ABCC11: variants seen among roughly 807,000 people sequenced by gnomAD.
ABCC11 encodes the protein ATP binding cassette subfamily C member 11.
A neutral mutation model predicts 149.3 loss-of-function variants in ABCC11; 135 were observed. That is an observed-to-expected ratio of 0.90 (90% CI 0.79 to 1.04). The LOEUF (loss-of-function observed/expected upper bound fraction) is 1.04, where lower values mean the gene tolerates loss of function less well. Among genes scored for constraint, ABCC11 ranks in the 50% least tolerant of loss-of-function variants. The pLI, the probability that ABCC11 is intolerant of heterozygous loss-of-function variation, is 0.00. For synonymous variants in ABCC11, 665 were observed against 671.4 expected (o/e 0.99, Z 0.15); for missense variants, 1,680 against 1,722.1 (o/e 0.98, Z 0.43).
chr16:48,213,118 T>C (rs931321977), intron 10 of ABCC11, among the ~76,000 whole-genome samples: 1 of 152,264 alleles, frequency 6.6e-6, no homozygotes, highest in Non-Finnish European at 1.5e-5. Flanking sequence ...AGTTTTTCAA[T>C]GCAAGCAACA....
chr16:48,224,315 G>A lies in ABCC11; in HGVS notation c.510C>T (p.Gly170=), dbSNP rs1178833671. ...RTRLIFDALL[G]ICFCIASVLG... ...GTACACTGGCAATGCAGAAGCAGAT[G>A]CCCAGAAGTGCATCGAAAATCAACC... The change falls in exon 5 of 30, where the codon GGC becomes GGT. Residue 170 remains glycine (G), a synonymous_variant. Transcript: ENST00000356608. 6.2e-7 allele frequency: 1 copy of A among 1,614,040 alleles called. No individual in the cohort carries two copies. The highest frequency in any genetic ancestry group is 1.7e-5 in the Admixed American group (1 of 59,998).
chr16:48,187,358 C>T lies in ABCC11; in HGVS notation c.2776G>A (p.Asp926Asn). 6.2e-7 allele frequency: 1 copy of T among 1,614,114 alleles called. No homozygotes were observed. Among genetic ancestry groups the T allele is most frequent in the African/African-American group, 1.3e-5 (1 of 75,044 alleles). Residue 926 changes from aspartate (D) to asparagine (N), a missense_variant, in exon 21 of 30, where the codon GAC becomes AAC. Physicochemically the swap from Asp to Asn is conservative, Grantham distance 23. Transcript: ENST00000356608. The stretch of plus-strand genomic sequence containing the variant: ...AAGAGCTGGTCCAGCTGTTCCAAGT[C>T]CCCTGCGAAGCAGTTCAAAAGCCGG... ...IGRLLNCFAG[D>N]LEQLDQLLPI...
intron 4 of ABCC11, among the ~76,000 whole-genome samples, chr16:48,225,919 A>G (rs1970040117): frequency 6.6e-6 from 1 of 152,240 alleles, no homozygotes; most frequent in South Asian, 2.1e-4. Flanking sequence ...GTGGACAGAC[A>G]TTGTAAGTAA....
intron 6 of ABCC11, 69 bp from the exon 7 acceptor site, chr16:48,216,356 C>T: frequency 6.7e-7 from 1 of 1,485,236 alleles, no homozygotes. Flanking sequence ...GGCAGGTGGC[C>T]TCCCCATGCC....
intron 6 of ABCC11, among the ~76,000 whole-genome samples, chr16:48,217,448 T>A (rs746364578): frequency 1.3e-5 from 2 of 152,024 alleles, no homozygotes; most frequent in Non-Finnish European, 2.9e-5. Context: ...GTAGGAAAAT[T>A]AGCCAGGCAC....
intron 9 of ABCC11, among the ~76,000 whole-genome samples, 159 bp from the exon 10 acceptor site, chr16:48,213,709 G>A (rs1969109789): frequency 6.6e-6 from 1 of 152,174 alleles, no homozygotes; most frequent in Non-Finnish European, 1.5e-5. Context: ...GAAAAAGCTG[G>A]GGAAAGAGCA....
rs773797279 is a variant in ABCC11 at position 48,216,291 on chromosome 16, C to G, written c.778-4G>C. The G allele has an allele frequency of 1.9e-5, 31 of 1,611,584 alleles. No homozygotes were observed. In the Middle Eastern group the frequency reaches 5.9e-4, roughly 31 times the overall value. On this transcript the variant is annotated splice_polypyrimidine_tract_variant and splice_region_variant and intron_variant, in intron 6 of 29. Coordinates refer to ENST00000356608, the MANE Select transcript of ABCC11 (RefSeq NM_001370497.1). ...CACCGGTGAAGAAGCTGATGGCCTG[C>G]AAGACAGCAAGTTGATGGGCACAGA...
intron 20 of ABCC11, among the ~76,000 whole-genome samples, chr16:48,188,863 A>G (rs1161870206): frequency 6.6e-6 from 1 of 152,252 alleles, no homozygotes; most frequent in Non-Finnish European, 1.5e-5. Flanking sequence ...AGAAATGAAT[A>G]GAAGCCAATG....
At chr16:48,177,771 C>A (rs980052483) in intron 24 of ABCC11, among the ~76,000 whole-genome samples, 2 of 152,226 alleles carry the variant, frequency 1.3e-5, no homozygotes, top group Admixed American at 6.5e-5. Context: ...ACAGCAGCAT[C>A]CCTGGGCAGG....
At chr16:48,172,275 A>G (rs1176653730) in intron 26 of ABCC11, among the ~76,000 whole-genome samples, 1 of 152,196 alleles carries the variant, frequency 6.6e-6, no homozygotes, top group Non-Finnish European at 1.5e-5. Context: ...ATCTGTTTAT[A>G]GACGTATGAC....
chr16:48,184,685 G>T, intron 22 of ABCC11, 59 bp from the exon 23 acceptor site: 1 of 1,548,862 alleles, frequency 6.5e-7, no homozygotes, highest in Non-Finnish European at 8.8e-7. Context: ...GTCTCCCCGG[G>T]TCAGGGTAGA....
chr16:48,227,228 C>A (rs951285433), intron 4 of ABCC11, among the ~76,000 whole-genome samples: 1 of 152,118 alleles, frequency 6.6e-6, no homozygotes, highest in South Asian at 2.1e-4. Context: ...AATCCCAGAA[C>A]TTTGGGAGGC....
At chr16:48,197,944 T>G (rs1168509463) in intron 17 of ABCC11, 27 bp downstream of exon 17, 2 of 1,611,220 alleles carry the variant, frequency 1.2e-6, no homozygotes, top group South Asian at 2.2e-5. Context: ...CATGCAGACA[T>G]TCTTGTCCTA....
intron 23 of ABCC11, among the ~76,000 whole-genome samples, chr16:48,182,009 A>G (rs1596683231): frequency 6.6e-6 from 1 of 152,122 alleles, no homozygotes; most frequent in African/African-American, 2.4e-5. Context: ...GCATTGCACC[A>G]GCTCAGTGGA....
At chr16:48,244,714 A>G (rs111886126) in intron 1 of ABCC11, 89,451 of 932,438 alleles carry the variant, frequency 0.096, 5,151 homozygotes, top group African/African-American at 0.24. Context: ...CGCGAGGCTC[A>G]GTTCGGGGCG....
chr16:48,227,765 G>T (rs1276082668), intron 4 of ABCC11, 41 bp downstream of exon 4: 8 of 1,611,424 alleles, frequency 5.0e-6, no homozygotes, highest in African/African-American at 1.3e-5. Flanking sequence ...CCAAGAGATT[G>T]TCTTTTAACC....
chr16:48,169,959 G>A, intron 28 of ABCC11, 146 bp downstream of exon 28: 1 of 522,044 alleles, frequency 1.9e-6, no homozygotes, highest in Non-Finnish European at 3.4e-6. Context: ...TTCTGTTGCT[G>A]TTGTTGTTGT....
At chr16:48,232,499 C>T (rs1391129445) in intron 1 of ABCC11, among the ~76,000 whole-genome samples, 1 of 151,982 alleles carries the variant, frequency 6.6e-6, no homozygotes, top group East Asian at 1.9e-4. Context: ...TTTCACAGAC[C>T]CCAGAAGGAA....
At chr16:48,235,345 G>T (rs1220968938) in intron 1 of ABCC11, among the ~76,000 whole-genome samples, 2 of 152,196 alleles carry the variant, frequency 1.3e-5, no homozygotes, top group Non-Finnish European at 2.9e-5. Flanking sequence ...CAGGGACCTT[G>T]TCTGTCCTGT....
Sources: allele counts gnomAD v4.1 joint callset (sites outside exome capture counted in the v4.1 genomes callset), GRCh38; gene constraint gnomAD v4.1.1; transcripts MANE v1.5; gene names NCBI Gene and HGNC (gene_info 2026-07-23, HGNC 2026-07-21).